The following ZFYVE28 variants were observed in gnomAD, a reference collection of about 807,000 sequenced individuals.
The protein encoded by ZFYVE28 is lateral signaling target protein 2 homolog.
ZFYVE28 carries 40 observed loss-of-function variants against 82.1 expected under a neutral mutation model. The ratio of observed to expected loss-of-function variants is 0.49; its 90% CI spans 0.38 to 0.63. The LOEUF is 0.63. ZFYVE28 is among the 30% of genes least tolerant of loss of function. ZFYVE28 has a pLI of 0.00. For synonymous variants in ZFYVE28, 612 were observed against 546.1 expected (o/e 1.12, Z -1.68); for missense variants, 1,321 against 1,242.1 (o/e 1.06, Z -0.96).
Position 2,341,348 on chromosome 4 carries a change from A to G in ZFYVE28, c.318+130T>C. ...AGGCTCAGACCACACCACGTAACCC[A>G]GAGTGGACGGAGCTCTTGGAGGAGA... On this transcript the variant is annotated intron_variant, in intron 3 of 12. Coordinates refer to ENST00000290974, the MANE Select transcript of ZFYVE28 (RefSeq NM_020972.3). This position sits in a 1 kb window ranked among gnomAD's most constrained non-coding sequence, Gnocchi z 4.5. The G allele has an allele frequency of 7.7e-7, 1 of 1,302,790 alleles. No homozygotes were observed. The highest frequency in any genetic ancestry group is 2.1e-5 in the Admixed American group (1 of 47,590). The allele number at this position is 1,302,790 out of a possible 1,614,324, so 80.7% of individuals were successfully genotyped here.
At chr4:2,284,776 A>G (rs974607177) in intron 8 of ZFYVE28, among the ~76,000 whole-genome samples, 3 of 152,176 alleles carry the variant, frequency 2.0e-5, no homozygotes, top group Admixed American at 6.5e-5. Flanking sequence ...ACACCCTTCC[A>G]GGAATCGGCT....
intron 2 of ZFYVE28, among the ~76,000 whole-genome samples, chr4:2,353,216 G>A (rs1019654075): frequency 1.3e-5 from 2 of 152,230 alleles, no homozygotes; most frequent in Non-Finnish European, 2.9e-5. Flanking sequence ...AGCCAGGGCT[G>A]GGGTGCAGCC....
At chr4:2,402,319 A>T (rs529012181) in intron 1 of ZFYVE28, among the ~76,000 whole-genome samples, 10 of 152,234 alleles carry the variant, frequency 6.6e-5, no homozygotes, top group Admixed American at 1.3e-4. Context: ...TAAGTCGGCC[A>T]GGCAAGCCGG....
intron 7 of ZFYVE28, among the ~76,000 whole-genome samples, chr4:2,310,246 C>A (rs966287368): frequency 1.2e-4 from 18 of 152,000 alleles, no homozygotes; most frequent in Admixed American, 1.0e-3. Context: ...ACTATATTGC[C>A]CAGGTTGGTC....
intron 1 of ZFYVE28, 104 bp from the exon 2 acceptor site, chr4:2,354,177 T>G (rs1724900723): frequency 7.9e-7 from 1 of 1,258,420 alleles, no homozygotes; most frequent in East Asian, 3.1e-5. Context: ...GCCTGGGACC[T>G]TCCACCCTGA....
At chr4:2,326,790 A>G (rs1314568696) in intron 6 of ZFYVE28, among the ~76,000 whole-genome samples, 1 of 152,108 alleles carries the variant, frequency 6.6e-6, no homozygotes, top group African/African-American at 2.4e-5. Flanking sequence ...CTTTGTAGCT[A>G]TTGTAAATGA....
chr4:2,315,131 A>G (rs1440965660), intron 7 of ZFYVE28, among the ~76,000 whole-genome samples: 4 of 152,110 alleles, frequency 2.6e-5, no homozygotes, highest in Non-Finnish European at 5.9e-5. Flanking sequence ...AAGAACTCCA[A>G]TTAATTGTTT....
At chr4:2,399,988 C>G (rs1178242915) in intron 1 of ZFYVE28, among the ~76,000 whole-genome samples, 2 of 152,228 alleles carry the variant, frequency 1.3e-5, no homozygotes, top group Non-Finnish European at 2.9e-5. Flanking sequence ...CGAGGAAGTG[C>G]CGGCACCACG....
Position 2,304,335 on chromosome 4 carries a change from C to T in ZFYVE28, c.2005G>A (p.Gly669Arg), listed in dbSNP as rs1454585649. Residue 669 changes from glycine to arginine, a missense_variant, in exon 8 of 13, where the codon GGG becomes AGG. Gly to Arg is a moderately radical substitution (Grantham distance 125). Transcript: ENST00000290974. ...GGCGCCTCGTGAGCCGAGGGGCTCCCAGCATGCAGCTCTCTGGCCTCTGGC... is the reference window on the plus strand; with the variant it reads ...GGCGCCTCGTGAGCCGAGGGGCTCCTAGCATGCAGCTCTCTGGCCTCTGGC... ...QEPEARELHAGSPSAHEAPQA... is the reference protein window; with the variant it reads ...QEPEARELHARSPSAHEAPQA... The T allele has an allele frequency of 6.2e-7, 1 of 1,605,214 alleles. No homozygotes were observed. Among genetic ancestry groups the T allele is most frequent in the Non-Finnish European group, 8.5e-7 (1 of 1,179,012 alleles).
intron 7 of ZFYVE28, among the ~76,000 whole-genome samples, chr4:2,316,699 C>CTTT (rs5855729): frequency 3.5e-4 from 52 of 148,804 alleles, no homozygotes; most frequent in African/African-American, 6.7e-4. Flanking sequence ...TCTTGTCTCT[C>CTTT]TTTTTTTTTT....
chr4:2,321,674 G>A (rs1719095827), intron 6 of ZFYVE28, among the ~76,000 whole-genome samples: 1 of 152,166 alleles, frequency 6.6e-6, no homozygotes, highest in South Asian at 2.1e-4. Flanking sequence ...AAGGCAGAGT[G>A]AAACAGAGCA....
chr4:2,289,495 C>T (rs961860241), intron 8 of ZFYVE28, among the ~76,000 whole-genome samples: 3 of 152,140 alleles, frequency 2.0e-5, no homozygotes, highest in Admixed American at 6.5e-5. Context: ...GACCTCAGGG[C>T]CACAGCCTCC....
intron 6 of ZFYVE28, among the ~76,000 whole-genome samples, chr4:2,327,730 T>A (rs1401951941): frequency 1.3e-5 from 2 of 152,196 alleles, no homozygotes; most frequent in Non-Finnish European, 2.9e-5. Flanking sequence ...ATGTGATGTA[T>A]CACAATTATT....
intron 1 of ZFYVE28, among the ~76,000 whole-genome samples, chr4:2,410,454 C>CTTTTTTTTTTTT (rs11358765): frequency 1.7e-5 from 2 of 119,340 alleles, no homozygotes; most frequent in Non-Finnish European, 3.4e-5. Context: ...TCCTCCCTTT[C>CTTTTTTTTTTTT]TTTTTTTTTT....
chr4:2,283,013 C>G (rs1310288674), intron 8 of ZFYVE28, among the ~76,000 whole-genome samples: 1 of 152,200 alleles, frequency 6.6e-6, no homozygotes, highest in Non-Finnish European at 1.5e-5. Context: ...AAATTAGCAG[C>G]TCGGGCATTT....
Position 2,418,452 on chromosome 4 carries a change from C to G in ZFYVE28, c.-129G>C. On this transcript the variant is annotated 5_prime_UTR_variant, in exon 1 of 13. Coordinates refer to ENST00000290974, the MANE Select transcript of ZFYVE28 (RefSeq NM_020972.3). This position sits in a 1 kb window ranked among gnomAD's most constrained non-coding sequence, Gnocchi z 4.6. The stretch of plus-strand genomic sequence containing the variant: ...CCCCGCGCTGTCGCAGGGAGGCTGG[C>G]TAGCGAAGCCCGGAGCGCCGAGCGG... 1 of 718,452 alleles carries G rather than the reference C, an allele frequency of 1.4e-6. No individual in the cohort carries two copies. The highest frequency in any genetic ancestry group is 1.7e-6 in the Non-Finnish European group (1 of 573,598). 44.5% of individuals were successfully genotyped at this position (718,452 alleles called of 1,614,324 possible).
chr4:2,400,502 C>A (rs1731059845), intron 1 of ZFYVE28, among the ~76,000 whole-genome samples: 1 of 152,116 alleles, frequency 6.6e-6, no homozygotes, highest in Non-Finnish European at 1.5e-5. Context: ...CCCCAGACAT[C>A]CCGGTTTGCC....
At chr4:2,415,891 T>A (rs1306163567) in intron 1 of ZFYVE28, among the ~76,000 whole-genome samples, 1 of 152,252 alleles carries the variant, frequency 6.6e-6, no homozygotes, top group Non-Finnish European at 1.5e-5. Context: ...AAGTTCAGAC[T>A]GCCCACAGGG....
At chr4:2,319,387 C>T (rs2108836743) in intron 7 of ZFYVE28, among the ~76,000 whole-genome samples, 1 of 152,334 alleles carries the variant, frequency 6.6e-6, no homozygotes, top group Non-Finnish European at 1.5e-5. Flanking sequence ...CTCACAACCC[C>T]ATCTGCAAGG....
Sources: allele counts gnomAD v4.1 joint callset (sites outside exome capture counted in the v4.1 genomes callset), GRCh38; gene constraint gnomAD v4.1.1; non-coding constraint Gnocchi (gnomAD v3.1); transcripts MANE v1.5; gene names NCBI Gene and HGNC (gene_info 2026-07-23, HGNC 2026-07-21).